SPATA22: variants seen among roughly 807,000 people sequenced by gnomAD.
The protein encoded by SPATA22 is spermatogenesis associated 22.
In SPATA22, 29 loss-of-function variants were observed where a neutral mutation model predicts 47.8. The ratio of observed to expected loss-of-function variants is 0.61; its 90% CI spans 0.45 to 0.83. The LOEUF (loss-of-function observed/expected upper bound fraction) is 0.83. Ranked by LOEUF, SPATA22 falls within the 40% of genes least tolerant of loss-of-function variation. The pLI, the probability that SPATA22 is intolerant of heterozygous loss-of-function variation, is 0.00. For missense variants in SPATA22, 410 were observed against 421.7 expected (o/e 0.97, Z 0.24); for synonymous variants, 133 against 140.9 (o/e 0.94, Z 0.40).
chr17:3,469,077 A>G (rs1412934664), intron 2 of SPATA22, among the ~76,000 whole-genome samples: 1 of 152,234 alleles, frequency 6.6e-6, no homozygotes, highest in African/African-American at 2.4e-5. Context: ...ATATCAAAAT[A>G]AATCTAAGAA....
chr17:3,489,527 C>T (rs1332349956), intron 1 of SPATA22, among the ~76,000 whole-genome samples: 1 of 152,092 alleles, frequency 6.6e-6, no homozygotes, highest in African/African-American at 2.4e-5. Context: ...ATAAAGACTC[C>T]ACATTAAATC....
chr17:3,462,548 C>A lies in SPATA22; in HGVS notation c.264G>T (p.Leu88=). 2 of 1,613,316 alleles carry A rather than the reference C, an allele frequency of 1.2e-6. No individual in the cohort carries two copies. The highest frequency in any genetic ancestry group is 2.2e-5 in the South Asian group (2 of 90,856). The stretch of plus-strand genomic sequence containing the variant: ...AGTTAAAGACAGAATCTTGACTTCT[C>A]AGAGGACGAGAAACTGAATGTGGTA... ...GQIPHSVSRP[L]RSQDSVFNSI... The change falls in exon 5 of 9, where the codon CTG becomes CTT. Residue 88 remains leucine (L), a synonymous_variant. Transcript: ENST00000572969.
intron 7 of SPATA22, among the ~76,000 whole-genome samples, chr17:3,444,909 C>A (rs1331640352): frequency 6.6e-6 from 1 of 151,938 alleles, no homozygotes; most frequent in Non-Finnish European, 1.5e-5. Context: ...TGAAAGCTAA[C>A]CATCACATAT....
intron 5 of SPATA22, among the ~76,000 whole-genome samples, chr17:3,450,055 C>T (rs764381281): frequency 7.2e-5 from 11 of 152,176 alleles, no homozygotes; most frequent in Middle Eastern, 3.4e-3. Flanking sequence ...GGTTTCACCA[C>T]GTTGCCCAAG....
At chr17:3,459,827 T>C (rs186214095) in intron 5 of SPATA22, among the ~76,000 whole-genome samples, 374 of 152,276 alleles carry the variant, frequency 2.5e-3, no homozygotes, top group Non-Finnish European at 4.2e-3. Context: ...CAAAAGAAAA[T>C]ATTCCTCATA....
At chr17:3,498,238 C>G (rs537527831) in intron 1 of SPATA22, among the ~76,000 whole-genome samples, 1 of 152,324 alleles carries the variant, frequency 6.6e-6, no homozygotes, top group Non-Finnish European at 1.5e-5. Flanking sequence ...TTAACTTGAG[C>G]TGGCAACAGG....
intron 1 of SPATA22, among the ~76,000 whole-genome samples, chr17:3,489,958 T>A (rs2073796201): frequency 6.6e-6 from 1 of 152,236 alleles, no homozygotes; most frequent in South Asian, 2.1e-4. Context: ...AATGTCCACC[T>A]GTTGGTGGAG....
intron 5 of SPATA22, among the ~76,000 whole-genome samples, chr17:3,451,109 TGGAAAAAGATATTCCA>T (rs2072849087): frequency 6.6e-6 from 1 of 152,086 alleles, no homozygotes; most frequent in Admixed American, 6.6e-5. Flanking sequence ...AATAAAGGGA[TGGAAAAAGATATTCCA>T]TGCAAACAGC....
chr17:3,452,166 T>C (rs1035789105), intron 5 of SPATA22, among the ~76,000 whole-genome samples: 1 of 148,800 alleles, frequency 6.7e-6, no homozygotes, highest in Admixed American at 6.7e-5. Context: ...AATAAAAAGA[T>C]CTCAAATAAG....
chr17:3,448,435 C>T (rs1182795084), intron 6 of SPATA22, among the ~76,000 whole-genome samples: 1 of 152,168 alleles, frequency 6.6e-6, no homozygotes, highest in Non-Finnish European at 1.5e-5. Context: ...GCCAAAAATA[C>T]TGTCTGGCCC....
At chr17:3,499,084 A>G in intron 1 of SPATA22, 2 of 1,613,694 alleles carry the variant, frequency 1.2e-6, no homozygotes, top group South Asian at 2.2e-5. Context: ...TGCTGTTTAC[A>G]TTAGAAATCA....
chr17:3,455,884 G>A (rs1452184917), intron 5 of SPATA22, among the ~76,000 whole-genome samples: 1 of 152,150 alleles, frequency 6.6e-6, no homozygotes, highest in Non-Finnish European at 1.5e-5. Context: ...ATTACCTTGG[G>A]CAGTATGGCC....
At chr17:3,441,656 A>G (rs1205756297) in intron 8 of SPATA22, 1 of 152,090 alleles carries the variant, frequency 6.6e-6, no homozygotes, top group African/African-American at 2.4e-5. Context: ...ACTTCTGAGT[A>G]TATATCAAAC....
At chr17:3,481,339 T>C (rs1436970401) in intron 1 of SPATA22, among the ~76,000 whole-genome samples, 2 of 152,212 alleles carry the variant, frequency 1.3e-5, no homozygotes, top group Non-Finnish European at 2.9e-5. Context: ...TAAATTCTGT[T>C]TGATATGTCC....
At chr17:3,465,694 G>A (rs973374784) in intron 3 of SPATA22, among the ~76,000 whole-genome samples, 1 of 150,718 alleles carries the variant, frequency 6.6e-6, no homozygotes, top group East Asian at 1.9e-4. Context: ...TTGTTCACTT[G>A]TTTATCTGCT....
chr17:3,446,642 GT>G, intron 6 of SPATA22, 41 bp from the exon 7 acceptor site: 4 of 1,416,204 alleles, frequency 2.8e-6, no homozygotes, highest in South Asian at 1.4e-5. Context: ...AAAAATATTT[GT>G]TTTTTTCATC....
chr17:3,457,932 G>C (rs2073034009), intron 5 of SPATA22, among the ~76,000 whole-genome samples: 1 of 151,956 alleles, frequency 6.6e-6, no homozygotes, highest in Admixed American at 6.6e-5. Flanking sequence ...TTTTTAATAT[G>C]ACACCAAAAG....
chr17:3,513,782 G>T, exon 1 of SPATA22: 1 of 700,954 alleles, frequency 1.4e-6, no homozygotes, highest in South Asian at 1.8e-5. Flanking sequence ...ACTGAGCACT[G>T]AGCACGAGGG....
intron 7 of SPATA22, among the ~76,000 whole-genome samples, chr17:3,443,480 G>C (rs1225171686): frequency 6.6e-6 from 1 of 151,892 alleles, no homozygotes; most frequent in East Asian, 1.9e-4. Flanking sequence ...CTCCAACTTA[G>C]GAACAGATTA....
Sources: allele counts gnomAD v4.1 joint callset (sites outside exome capture counted in the v4.1 genomes callset), GRCh38; gene constraint gnomAD v4.1.1; transcripts MANE v1.5; gene names NCBI Gene and HGNC (gene_info 2026-07-23, HGNC 2026-07-21).